ARL10: variants seen among roughly 807,000 people sequenced by gnomAD.
ARL10 encodes ADP-ribosylation factor-like protein 10.
Under a neutral mutation model 26.1 loss-of-function variants are expected in ARL10, and 23 were observed. The observed-to-expected ratio is 0.88, with a 90% CI of 0.63 to 1.25. The LOEUF is 1.25. Ranked by LOEUF, ARL10 falls within the 50% of genes most tolerant of loss-of-function variation. The pLI is 0.00. For missense variants in ARL10, 300 were observed against 323.6 expected, an observed-to-expected ratio of 0.93 and a Z score of 0.56; for synonymous variants, 138 against 149.1, an observed-to-expected ratio of 0.93 and a Z score of 0.54.
downstream of ARL10, chr5:176,388,754 T>C: frequency 6.4e-7 from 1 of 1,573,316 alleles, no homozygotes; most frequent in Non-Finnish European, 8.6e-7. Context: ...TCCCCGCCCC[T>C]TTCATGACCT....
chr5:176,406,787 T>C (rs189430660), downstream of ARL10: 400 of 1,117,180 alleles, frequency 3.6e-4, 1 homozygote, highest in African/African-American at 5.7e-3. Context: ...CAGGCCAAGG[T>C]TTCTCCTCCC....
the ARL10 span, among the ~76,000 whole-genome samples, chr5:176,414,237 G>C: frequency 0.066 from 10,111 of 152,230 alleles, 487 homozygotes; most frequent in Non-Finnish European, 0.091. Flanking sequence ...ACAGAGGTGT[G>C]GTCCAGTGAA....
chr5:176,392,843 C>T, downstream of ARL10: 1 of 1,614,248 alleles, frequency 6.2e-7, no homozygotes, highest in Non-Finnish European at 8.5e-7. The surrounding 1 kb of genome is among the most constrained non-coding windows in gnomAD (Gnocchi z 5.2). Flanking sequence ...CTTTGCACTG[C>T]TTGCTGCTCT....
intron 2 of ARL10, among the ~76,000 whole-genome samples, chr5:176,367,790 G>T (rs1274012975): frequency 6.6e-6 from 1 of 152,146 alleles, no homozygotes; most frequent in Non-Finnish European, 1.5e-5. Context: ...CCAATCCAGG[G>T]CCAACCCCTG....
chr5:176,405,294 G>C (rs1453316103), downstream of ARL10, among the ~76,000 whole-genome samples: 2 of 151,960 alleles, frequency 1.3e-5, no homozygotes, highest in African/African-American at 4.8e-5. Context: ...CTCGAGACCA[G>C]CCTGGCCAAT....
chr5:176,366,756 G>A (rs578061071), intron 2 of ARL10, among the ~76,000 whole-genome samples, 175 bp downstream of exon 2: 5 of 152,234 alleles, frequency 3.3e-5, no homozygotes, highest in African/African-American at 9.6e-5. Flanking sequence ...CTGACATTTA[G>A]GGCCCTTCGT....
At chr5:176,385,802 C>G (rs994810872), downstream of ARL10, 3 of 155,746 alleles carry the variant, frequency 1.9e-5, no homozygotes, top group African/African-American at 7.2e-5. Context: ...AGGCTGGGCC[C>G]CAGCACCTTA....
At chr5:176,397,931 C>G in intron 1 of ARL10, 1 of 1,613,632 alleles carries the variant, frequency 6.2e-7, no homozygotes. Context: ...CGCCCTCACC[C>G]AGCTCTTGCA....
chr5:176,369,682 G>A (rs1049662856), intron 3 of ARL10, among the ~76,000 whole-genome samples: 7 of 152,076 alleles, frequency 4.6e-5, no homozygotes, highest in African/African-American at 1.7e-4. Flanking sequence ...TGGTCCAGGC[G>A]TGGTGGCTCA....
downstream of ARL10, chr5:176,389,292 C>T: frequency 6.3e-7 from 1 of 1,588,466 alleles, no homozygotes; most frequent in South Asian, 1.1e-5. Flanking sequence ...CCTGCGGGGC[C>T]CGACCTGCTG....
At chr5:176,384,112 T>G (rs1226200793), downstream of ARL10, 1 of 1,609,020 alleles carries the variant, frequency 6.2e-7, no homozygotes, top group Admixed American at 1.7e-5. Flanking sequence ...AACCTTCTGA[T>G]TCCATGGGAC....
chr5:176,396,479 A>G (rs1756526234), intron 1 of ARL10: 1 of 1,613,366 alleles, frequency 6.2e-7, no homozygotes, highest in Non-Finnish European at 8.5e-7. Flanking sequence ...AGACACGTAC[A>G]CGTAGCCGAT....
At chr5:176,393,017 T>C, downstream of ARL10, 1 of 1,499,044 alleles carries the variant, frequency 6.7e-7, no homozygotes, top group Non-Finnish European at 9.3e-7. This position sits in a 1 kb window ranked among gnomAD's most constrained non-coding sequence, Gnocchi z 4.4. Context: ...GCAAGGCTGC[T>C]TTGCCCAGCC....
chr5:176,388,569 C>CA, exon 2 of ARL10: 1 of 1,573,916 alleles, frequency 6.4e-7, no homozygotes, highest in Non-Finnish European at 8.7e-7. Flanking sequence ...GCAGCTCAAA[C>CA]ACGCTGCCTC....
At chr5:176,388,468 C>A (rs370995699) in exon 2 of ARL10, 46 of 1,614,104 alleles carry the variant, frequency 2.8e-5, no homozygotes, top group Middle Eastern at 3.3e-4. Flanking sequence ...GTCGAGCATT[C>A]CGGTTCAGAC....
rs1469860787 is a variant in ARL10, at chr5:176,381,467, G to A, written c.*9572G>A. The A allele has an allele frequency of 1.3e-5, 2 of 152,330 alleles. No individual in the cohort carries two copies. Among genetic ancestry groups the A allele is most frequent in the South Asian group, 4.1e-4 (2 of 4,826 alleles). The allele number at this position is 152,330 out of a possible 1,614,324, so 9.4% of individuals were successfully genotyped here. A position where few individuals can be genotyped will look rare whatever the true frequency, so the allele number is the denominator to read the frequency against. On this transcript the variant is annotated 3_prime_UTR_variant, in exon 4 of 4. Coordinates refer to ENST00000310389, the MANE Select transcript of ARL10 (RefSeq NM_173664.6). ...AAGTTAACTTTAACAGAGCAGAAAAGGGTTCATGAACCAGGTAGTGCTCAG... is the reference window on the plus strand; with the variant it reads ...AAGTTAACTTTAACAGAGCAGAAAAAGGTTCATGAACCAGGTAGTGCTCAG...
chr5:176,397,907 C>T (rs1181349516), intron 1 of ARL10: 2 of 1,605,084 alleles, frequency 1.2e-6, no homozygotes. Context: ...ACCCAGCCAA[C>T]CCCGCCTCAG....
Position 176,372,672 on chromosome 5 carries a change from CA to C in ARL10, c.*779del. 1 of 379,038 alleles carries C rather than the reference CA, an allele frequency of 2.6e-6. No homozygotes were observed. 23.5% of individuals were successfully genotyped at this position (379,038 alleles called of 1,614,324 possible). On this transcript the variant is annotated 3_prime_UTR_variant, in exon 4 of 4. Coordinates refer to ENST00000310389, the MANE Select transcript of ARL10 (RefSeq NM_173664.6). ...GGGTTTTTCCCCTCTAATCTGGAGA[CA>C]AGCTGCTGCTCTCGTACTAACTGTG...
downstream of ARL10, chr5:176,388,749 G>A: frequency 6.4e-7 from 1 of 1,562,358 alleles, no homozygotes; most frequent in South Asian, 1.2e-5. Flanking sequence ...TCGTTTCCCC[G>A]CCCCTTTCAT....
Sources: gnomAD v4.1 joint callset for allele counts (sites outside exome capture counted in the v4.1 genomes callset) on GRCh38, gnomAD v4.1.1 for gene constraint, Gnocchi (gnomAD v3.1) non-coding constraint, MANE v1.5 for transcripts, NCBI Gene and HGNC (gene_info 2026-07-23, HGNC 2026-07-21) for gene names.